NKAIN2: variants seen among roughly 807,000 people sequenced by gnomAD.
NKAIN2 encodes the protein sodium/potassium transporting ATPase interacting 2.
Under a neutral mutation model 32.6 loss-of-function variants are expected in NKAIN2, and 14 were observed. The ratio of observed to expected loss-of-function variants is 0.43; its 90% CI spans 0.28 to 0.67. The LOEUF (loss-of-function observed/expected upper bound fraction) is 0.67. NKAIN2 is among the 30% of genes least tolerant of loss of function. NKAIN2 has a pLI of 0.17. For missense variants in NKAIN2, 198 were observed against 258.3 expected, an observed-to-expected ratio of 0.77 and a Z score of 1.60; for synonymous variants, 80 against 87.2, an observed-to-expected ratio of 0.92 and a Z score of 0.46.
rs560819155 is a variant in NKAIN2 at position 124,563,808 on chromosome 6, G to A, written c.274-94378G>A. ...GCCTCAGCCTCCGGAGTAGCTGGGA[G>A]TATCTCCAAAGTGGTGTCTCCCCGA... On this transcript the variant is annotated intron_variant, in intron 3 of 6. Coordinates refer to ENST00000368417, the MANE Select transcript of NKAIN2 (RefSeq NM_001040214.3). Among the ~76,000 whole-genome samples, 54 of 152,238 alleles carry A rather than the reference G, an allele frequency of 3.5e-4. 2 individuals are homozygous for A. The South Asian group carries it at 6.8e-3, about 19-fold the overall frequency.
chr6:123,854,476 G>T (rs1369487363), intron 1 of NKAIN2, among the ~76,000 whole-genome samples: 1 of 152,054 alleles, frequency 6.6e-6, no homozygotes, highest in African/African-American at 2.4e-5. Flanking sequence ...GATTTTCCAT[G>T]AATCAAACTT....
At chr6:124,504,334 A>G (rs528425806) in intron 3 of NKAIN2, among the ~76,000 whole-genome samples, 4 of 152,292 alleles carry the variant, frequency 2.6e-5, no homozygotes, top group African/African-American at 9.6e-5. Flanking sequence ...AACAACATCT[A>G]TAAAGTTTCC....
At chr6:124,025,652 T>C (rs1172073509) in intron 1 of NKAIN2, among the ~76,000 whole-genome samples, 1 of 152,206 alleles carries the variant, frequency 6.6e-6, no homozygotes, top group South Asian at 2.1e-4. Flanking sequence ...TAGTGTATTG[T>C]ATACTTGAAA....
intron 5 of NKAIN2, among the ~76,000 whole-genome samples, chr6:124,798,162 G>T (rs377087627): frequency 2.0e-4 from 30 of 151,924 alleles, no homozygotes; most frequent in African/African-American, 7.2e-4. Flanking sequence ...CATTCTGTTT[G>T]GTAGTCTGAG....
intron 4 of NKAIN2, among the ~76,000 whole-genome samples, chr6:124,734,482 A>G (rs1005207241): frequency 2.6e-5 from 4 of 151,576 alleles, no homozygotes; most frequent in African/African-American, 9.7e-5. Flanking sequence ...ATTCTTTATC[A>G]TTACCCTTCA....
intron 3 of NKAIN2, 71 bp downstream of exon 3, chr6:124,355,418 C>A: frequency 1.2e-6 from 1 of 834,390 alleles, no homozygotes; most frequent in South Asian, 1.4e-5. Context: ...AAGGCAGAGT[C>A]TCATCCTGTT....
At chr6:124,216,413 G>A (rs1230100966) in intron 1 of NKAIN2, among the ~76,000 whole-genome samples, 1 of 152,058 alleles carries the variant, frequency 6.6e-6, no homozygotes, top group Non-Finnish European at 1.5e-5. Flanking sequence ...CGGCACTTTT[G>A]CAGGCATTCA....
rs1781506870 is a variant in NKAIN2, at chr6:124,824,298, T to G, written c.*1069T>G. On this transcript the variant is annotated 3_prime_UTR_variant, in exon 7 of 7. Coordinates refer to ENST00000368417, the MANE Select transcript of NKAIN2 (RefSeq NM_001040214.3). ...TTTACTCTTTTATATCTAATTCAAA[T>G]TGAAGACTCTACGTAGGTGAACTTT... 2 of 152,638 alleles carry G rather than the reference T, an allele frequency of 1.3e-5. No individual in the cohort carries two copies. Among genetic ancestry groups the G allele is most frequent in the African/African-American group, 4.8e-5 (2 of 41,446 alleles). The allele number at this position is 152,638 out of a possible 1,614,324, so 9.5% of individuals were successfully genotyped here.
chr6:124,180,866 TTGG>T (rs1197313235), intron 1 of NKAIN2, among the ~76,000 whole-genome samples: 3 of 151,986 alleles, frequency 2.0e-5, no homozygotes, highest in Non-Finnish European at 4.4e-5. Flanking sequence ...GTACAAACAG[TTGG>T]TGGATCTACT....
At chr6:124,317,882 G>A (rs1460540660) in intron 2 of NKAIN2, among the ~76,000 whole-genome samples, 1 of 151,944 alleles carries the variant, frequency 6.6e-6, no homozygotes, top group Non-Finnish European at 1.5e-5. Context: ...CTAATTTGTA[G>A]ACCCATTTGT....
chr6:124,623,270 ATTC>A lies in NKAIN2; in HGVS notation c.274-34913_274-34911del, dbSNP rs142520046. Among the ~76,000 whole-genome samples, 901 of 152,300 alleles carry A rather than the reference ATTC, an allele frequency of 5.9e-3. 14 individuals carry two copies. The highest frequency in any genetic ancestry group is 0.021 in the African/African-American group (855 of 41,566). On this transcript the variant is annotated intron_variant, in intron 3 of 6. Transcript: ENST00000368417. ...AAGTGATATCATTCACCTCAGAACT[ATTC>A]TTTGACTCATCACATGTATGATGGG...
chr6:124,254,664 T>C (rs1793842550), intron 1 of NKAIN2, among the ~76,000 whole-genome samples: 1 of 152,182 alleles, frequency 6.6e-6, no homozygotes, highest in Non-Finnish European at 1.5e-5. Context: ...ATTACATTAC[T>C]TCATCATTAA....
intron 1 of NKAIN2, among the ~76,000 whole-genome samples, chr6:123,915,085 G>A (rs956692190): frequency 2.3e-4 from 35 of 152,080 alleles, no homozygotes; most frequent in African/African-American, 8.2e-4. Flanking sequence ...TTCTCGAAGA[G>A]GTGTCCAGCT....
chr6:124,110,315 A>G (rs1442059010), intron 1 of NKAIN2, among the ~76,000 whole-genome samples: 1 of 152,082 alleles, frequency 6.6e-6, no homozygotes, highest in Admixed American at 6.6e-5. Flanking sequence ...AAAGTATTTG[A>G]CAAAATTCAG....
chr6:123,917,797 A>T (rs1024853396), intron 1 of NKAIN2, among the ~76,000 whole-genome samples: 6 of 152,134 alleles, frequency 3.9e-5, no homozygotes, highest in African/African-American at 1.4e-4. Context: ...ATTAATGTTA[A>T]TCCCTAATAC....
intron 1 of NKAIN2, among the ~76,000 whole-genome samples, chr6:124,279,304 G>A (rs1368604143): frequency 6.6e-6 from 1 of 151,918 alleles, no homozygotes; most frequent in Non-Finnish European, 1.5e-5. Context: ...TCAGGAAATC[G>A]AGACCATCCT....
intron 3 of NKAIN2, among the ~76,000 whole-genome samples, chr6:124,428,068 T>C (rs1344349408): frequency 6.6e-6 from 1 of 152,156 alleles, no homozygotes; most frequent in African/African-American, 2.4e-5. Context: ...TAGTGCTCTT[T>C]AGCTCAGCAG....
chr6:124,554,882 A>C (rs1004742621), intron 3 of NKAIN2, among the ~76,000 whole-genome samples: 3 of 152,152 alleles, frequency 2.0e-5, no homozygotes, highest in African/African-American at 4.8e-5. Flanking sequence ...TGTGAGCTAC[A>C]AGGCTGAAGT....
At chr6:124,385,576 A>G (rs1772862115) in intron 3 of NKAIN2, among the ~76,000 whole-genome samples, 1 of 152,142 alleles carries the variant, frequency 6.6e-6, no homozygotes, top group African/African-American at 2.4e-5. Context: ...TATATCCACA[A>G]TGATCATAAA....
Sources: gnomAD v4.1 joint callset for allele counts (sites outside exome capture counted in the v4.1 genomes callset) on GRCh38, gnomAD v4.1.1 for gene constraint, MANE v1.5 for transcripts, NCBI Gene and HGNC (gene_info 2026-07-23, HGNC 2026-07-21) for gene names.